CAMKMT: variants seen among roughly 807,000 people sequenced by gnomAD.
CAMKMT encodes CaM KMT.
Under a neutral mutation model 48.0 loss-of-function variants are expected in CAMKMT, and 53 were observed. The observed-to-expected ratio is 1.10, with a 90% confidence interval of 0.89 to 1.39. CAMKMT has a LOEUF of 1.39. Ranked by LOEUF, CAMKMT falls within the 40% of genes most tolerant of loss-of-function variation. The pLI is 0.00. For missense variants in CAMKMT, 428 were observed against 402.7 expected (o/e 1.06, Z -0.54); for synonymous variants, 165 against 152.3 (o/e 1.08, Z -0.61).
intron 3 of CAMKMT, among the ~76,000 whole-genome samples, chr2:44,492,456 T>G (rs1306143738): frequency 6.6e-6 from 1 of 152,112 alleles, no homozygotes; most frequent in Non-Finnish European, 1.5e-5. Flanking sequence ...TATTTCCAGG[T>G]AAGAATAAAA....
chr2:44,655,979 A>G (rs1674356539), intron 3 of CAMKMT, among the ~76,000 whole-genome samples: 1 of 152,204 alleles, frequency 6.6e-6, no homozygotes, highest in Non-Finnish European at 1.5e-5. Context: ...TTTCCGTTCC[A>G]GTTTTGTTGA....
At chr2:44,479,801 T>C (rs989114238) in intron 3 of CAMKMT, among the ~76,000 whole-genome samples, 3 of 152,238 alleles carry the variant, frequency 2.0e-5, no homozygotes, top group African/African-American at 4.8e-5. Flanking sequence ...TTAAGTAGCT[T>C]ATCTTTCTTT....
rs549641595 is a variant in CAMKMT, at chr2:44,453,488, T to C, written c.376+63183T>C. Among the ~76,000 whole-genome samples, 75 of 152,202 alleles carry C rather than the reference T, an allele frequency of 4.9e-4. 1 individual carries two copies. Among genetic ancestry groups the C allele is most frequent in the African/African-American group, 1.7e-3 (71 of 41,566 alleles). ...GATACAGGTTCAGTGCTGTAGTGCT[T>C]TGACAGCCCATTACTGAATGTAATG... On this transcript the variant is annotated intron_variant, in intron 3 of 10. Coordinates refer to ENST00000378494, the MANE Select transcript of CAMKMT (RefSeq NM_024766.5).
chr2:44,758,899 C>A (rs770358018), intron 9 of CAMKMT, among the ~76,000 whole-genome samples: 10 of 152,160 alleles, frequency 6.6e-5, no homozygotes. Flanking sequence ...GGGAGGGGAG[C>A]CAAGCCAACC....
chr2:44,390,147 A>G lies in CAMKMT; in HGVS notation c.312-94A>G, dbSNP rs1459607574. 20 of 839,258 alleles carry G rather than the reference A, an allele frequency of 2.4e-5. 1 individual carries two copies. The Admixed American group carries it at 4.6e-4, about 19-fold the overall frequency. The allele number at this position is 839,258 out of a possible 1,614,324, so 52.0% of individuals were successfully genotyped here. On this transcript the variant is annotated intron_variant, in intron 2 of 10. Coordinates refer to ENST00000378494, the MANE Select transcript of CAMKMT (RefSeq NM_024766.5). ...ATGGAATAATTTATTGCTATTGGGTATACCATAATATACAGTCTCAGTCTC... is the reference window on the plus strand; with the variant it reads ...ATGGAATAATTTATTGCTATTGGGTGTACCATAATATACAGTCTCAGTCTC...
intron 3 of CAMKMT, among the ~76,000 whole-genome samples, chr2:44,473,071 C>T (rs1317287109): frequency 5.3e-5 from 8 of 152,074 alleles, no homozygotes; most frequent in African/African-American, 7.2e-5. Flanking sequence ...CAATTCCTTC[C>T]GGGTTTGGGT....
intron 3 of CAMKMT, among the ~76,000 whole-genome samples, chr2:44,483,112 C>T (rs555133402): frequency 6.6e-6 from 1 of 152,284 alleles, no homozygotes; most frequent in African/African-American, 2.4e-5. Context: ...AAGGCTCCTA[C>T]AACTGACATT....
At chr2:44,768,461 G>T (rs1345052151) in intron 10 of CAMKMT, among the ~76,000 whole-genome samples, 1 of 151,488 alleles carries the variant, frequency 6.6e-6, no homozygotes, top group East Asian at 2.0e-4. Flanking sequence ...TGCCCCAGCA[G>T]CGGGGATACT....
Position 44,766,529 on chromosome 2 carries a change from T to C in CAMKMT, c.862T>C (p.Tyr288His). The C allele has an allele frequency of 6.2e-7, 1 of 1,614,136 alleles. No homozygotes were observed. The change falls in exon 10 of 11, where the codon TAT becomes CAT. Residue 288 changes from tyrosine to histidine, a missense_variant. Coordinates refer to ENST00000378494, the MANE Select transcript of CAMKMT (RefSeq NM_024766.5). ...AGFCIQRHEN[Y>H]DEHISNFHSK... ...TTTCTGTATCCAAAGACATGAAAAT[T>C]ATGATGAACACATTTCAAACTTCCA... is the stretch of plus-strand genomic sequence containing the variant.
intron 3 of CAMKMT, among the ~76,000 whole-genome samples, chr2:44,627,559 A>G (rs1296449528): frequency 3.3e-5 from 5 of 152,118 alleles, no homozygotes. Flanking sequence ...ATTCAATTAA[A>G]TAGACATAGG....
chr2:44,627,986 A>C (rs908859316), intron 3 of CAMKMT, among the ~76,000 whole-genome samples: 57 of 152,142 alleles, frequency 3.7e-4, no homozygotes, highest in African/African-American at 1.3e-3. Context: ...TATAGGCATG[A>C]GCCACCATGC....
chr2:44,704,645 G>C (rs1166875862), intron 4 of CAMKMT, among the ~76,000 whole-genome samples: 3 of 144,666 alleles, frequency 2.1e-5, no homozygotes, highest in East Asian at 2.0e-4. Flanking sequence ...GGAAACAAAA[G>C]TGAAGCTCCA....
chr2:44,601,065 A>G (rs1213748452), intron 3 of CAMKMT, among the ~76,000 whole-genome samples: 1 of 152,122 alleles, frequency 6.6e-6, no homozygotes. Flanking sequence ...CTATATTTTG[A>G]TACTTTTTAG....
intron 7 of CAMKMT, among the ~76,000 whole-genome samples, chr2:44,718,420 C>T (rs1334415302): frequency 6.6e-6 from 1 of 152,136 alleles, no homozygotes; most frequent in Admixed American, 6.6e-5. Context: ...ATCCATGCAG[C>T]CATCCATTCA....
intron 3 of CAMKMT, among the ~76,000 whole-genome samples, chr2:44,586,138 G>GA (rs1669845535): frequency 6.6e-6 from 1 of 152,224 alleles, no homozygotes; most frequent in Admixed American, 6.5e-5. Flanking sequence ...AACAGAATAG[G>GA]CAGCCTTCTG....
At chr2:44,738,933 G>A (rs1679512580) in intron 7 of CAMKMT, among the ~76,000 whole-genome samples, 1 of 152,154 alleles carries the variant, frequency 6.6e-6, no homozygotes, top group Non-Finnish European at 1.5e-5. Flanking sequence ...AGAGCATTTT[G>A]GCTGCTCAAG....
At chr2:44,436,069 CT>C (rs1303288705) in intron 3 of CAMKMT, among the ~76,000 whole-genome samples, 1 of 151,530 alleles carries the variant, frequency 6.6e-6, no homozygotes, top group African/African-American at 2.4e-5. Flanking sequence ...CAAACCAATT[CT>C]TTTTTTCTTT....
intron 3 of CAMKMT, among the ~76,000 whole-genome samples, chr2:44,501,799 G>T (rs1242801276): frequency 1.3e-5 from 2 of 151,596 alleles, no homozygotes; most frequent in African/African-American, 2.4e-5. Context: ...TTTCGCTTGA[G>T]CCCAGGAGTT....
In CAMKMT at chr2:44,748,907, A is replaced by G. The variant is rs184380508; in HGVS notation, c.699-5148A>G. On this transcript the variant is annotated intron_variant, in intron 8 of 10. Coordinates refer to ENST00000378494, the MANE Select transcript of CAMKMT (RefSeq NM_024766.5). ...GCGAATATTTTAAAGACATACTTAT[A>G]GTTTGATTCCTTTCTCGTTAATTCT... Among the ~76,000 whole-genome samples, 403 of 152,304 alleles carry G rather than the reference A, an allele frequency of 2.6e-3. 1 individual carries two copies. Among genetic ancestry groups the G allele is most frequent in the Non-Finnish European group, 4.1e-3 (281 of 68,022 alleles).
Sources: allele counts gnomAD v4.1 joint callset (sites outside exome capture counted in the v4.1 genomes callset), GRCh38; gene constraint gnomAD v4.1.1; transcripts MANE v1.5; gene names NCBI Gene and HGNC (gene_info 2026-07-23, HGNC 2026-07-21).